Variants in ATP13A3 observed in about 807,000 individuals in gnomAD.
The protein encoded by ATP13A3 is polyamine-transporting ATPase 13A3.
In ATP13A3, 59 loss-of-function variants were observed where a neutral mutation model predicts 158.1. That is an observed-to-expected ratio of 0.37 (90% confidence interval 0.30 to 0.46). The LOEUF (loss-of-function observed/expected upper bound fraction) is 0.46. ATP13A3 is among the 20% of genes least tolerant of loss of function. ATP13A3 has a pLI of 1.00. For synonymous variants in ATP13A3, 491 were observed against 504.3 expected (o/e 0.97, Z 0.35); for missense variants, 1,166 against 1,525.2 (o/e 0.76, Z 3.92).
chr3:194,438,976 G>GA lies in ATP13A3; in HGVS notation c.1711-5dup, dbSNP rs554326065. 18,100 of 1,267,684 alleles carry GA rather than the reference G, an allele frequency of 0.014. No individual in the cohort carries two copies. Among genetic ancestry groups the GA allele is most frequent in the South Asian group, 0.02 (1,293 of 65,942 alleles). The allele number at this position is 1,267,684 out of a possible 1,614,324, so 78.5% of individuals were successfully genotyped here. ...CTTCAGTTGCTTCTTCCAGAATCTG[G>GA]AAAAAAAAAAGAGACAAAAAAAAAC... On this transcript the variant is annotated splice_region_variant and splice_polypyrimidine_tract_variant and intron_variant, in intron 16 of 33. Transcript: ENST00000645319.
At chr3:194,452,605 TA>T (rs1337913207) in intron 10 of ATP13A3, 1 of 152,250 alleles carries the variant, frequency 6.6e-6, no homozygotes, top group African/African-American at 2.4e-5. Context: ...ATAGTTGCTG[TA>T]TTTGTCATAC....
intron 33 of ATP13A3, among the ~76,000 whole-genome samples, chr3:194,409,685 C>G (rs973360381): frequency 1.8e-5 from 2 of 113,492 alleles, no homozygotes; most frequent in Non-Finnish European, 3.3e-5. Flanking sequence ...TAATCACTGA[C>G]GTAAAGAATT....
chr3:194,493,444 C>G (rs553838054), intron 2 of ATP13A3, among the ~76,000 whole-genome samples: 1 of 151,878 alleles, frequency 6.6e-6, no homozygotes. Flanking sequence ...GTCAGGAGTT[C>G]GAGACCAGCC....
intron 2 of ATP13A3, among the ~76,000 whole-genome samples, chr3:194,474,764 T>C (rs1560114468): frequency 6.6e-6 from 1 of 152,174 alleles, no homozygotes; most frequent in Non-Finnish European, 1.5e-5. Context: ...GAATTCTCAT[T>C]TTACCATAGC....
Position 194,460,274 on chromosome 3 carries a change from A to G in ATP13A3, c.226-303T>C, listed in dbSNP as rs565777914. On this transcript the variant is annotated intron_variant, in intron 4 of 33. Transcript: ENST00000645319. ...GACTAAATATTAAAACCTCTTATAA[A>G]ATGCTTCCAATTAGGGTTTTTAAAA... 2.0e-5 allele frequency among the ~76,000 whole-genome samples: 3 copies of G among 152,282 alleles called. No individual in the cohort carries two copies. In the South Asian group the frequency reaches 6.2e-4, roughly 32 times the overall value.
rs777503274 is a variant in ATP13A3 at position 194,459,539 on chromosome 3, A to T, written c.411T>A (p.Ile137=). The T allele has an allele frequency of 2.5e-6, 4 of 1,601,662 alleles. No individual in the cohort carries two copies. The highest frequency in any genetic ancestry group is 3.4e-6 in the Non-Finnish European group (4 of 1,169,632). ...SKYSQTESQQ[I]RYFTHHSVKY... ...TTACACTATGGTGGGTGAAATAACG[A>T]ATCTGTGGAACACAAATAAACGTTA... The change falls in exon 6 of 34, where the codon ATT becomes ATA. Residue 137 remains isoleucine, a splice_region_variant and synonymous_variant. Coordinates refer to ENST00000645319, the MANE Select transcript of ATP13A3 (RefSeq NM_001367549.1).
At chr3:194,454,187 A>G in intron 9 of ATP13A3, 71 bp downstream of exon 9, 2 of 1,412,578 alleles carry the variant, frequency 1.4e-6, no homozygotes, top group Non-Finnish European at 2.0e-6. Flanking sequence ...GCTGAGTACT[A>G]TTCTACACAC....
chr3:194,446,705 T>C (rs1314352569), intron 14 of ATP13A3, among the ~76,000 whole-genome samples: 2 of 152,204 alleles, frequency 1.3e-5, no homozygotes, highest in Non-Finnish European at 2.9e-5. Flanking sequence ...ACTGGTTTCA[T>C]TTCATTTAAA....
chr3:194,417,985 AAGGG>A (rs1197087336), intron 31 of ATP13A3, among the ~76,000 whole-genome samples: 12,078 of 87,820 alleles, frequency 0.14, 1,483 homozygotes, highest in African/African-American at 0.29. Context: ...GGAAGGAAGG[AAGGG>A]AGGGAGGGAG....
At chr3:194,470,207 A>G (rs1720241590) in intron 2 of ATP13A3, among the ~76,000 whole-genome samples, 1 of 152,190 alleles carries the variant, frequency 6.6e-6, no homozygotes, top group East Asian at 1.9e-4. Context: ...TTTAGGCTTA[A>G]GGAAGACCAT....
chr3:194,410,313 A>AAC (rs1715285981), intron 33 of ATP13A3, among the ~76,000 whole-genome samples: 2 of 142,522 alleles, frequency 1.4e-5, no homozygotes, highest in Non-Finnish European at 3.0e-5. Flanking sequence ...AAAAAAAAAA[A>AAC]AAAAAAAAAA....
At chr3:194,460,120 A>C in intron 4 of ATP13A3, 149 bp from the exon 5 acceptor site, 10 of 646,458 alleles carry the variant, frequency 1.5e-5, no homozygotes, top group South Asian at 2.7e-5. Context: ...AAACCATTTC[A>C]TGAGGATGCT....
intron 31 of ATP13A3, among the ~76,000 whole-genome samples, chr3:194,417,444 C>CACACACAA (rs1489240737): frequency 6.9e-6 from 1 of 145,152 alleles, no homozygotes; most frequent in East Asian, 2.0e-4. Context: ...CACACACACA[C>CACACACAA]AAAAGGAGGA....
intron 10 of ATP13A3, 68 bp from the exon 11 acceptor site, chr3:194,450,344 C>G: frequency 1.4e-6 from 2 of 1,467,968 alleles, no homozygotes; most frequent in Non-Finnish European, 9.4e-7. Context: ...ACAGCAAATG[C>G]TATTCAGAAG....
intron 33 of ATP13A3, among the ~76,000 whole-genome samples, chr3:194,409,042 C>T (rs550492675): frequency 2.4e-4 from 36 of 152,258 alleles, no homozygotes; most frequent in Non-Finnish European, 3.2e-4. Flanking sequence ...CTATAGCAAC[C>T]GGATCTTTCA....
intron 6 of ATP13A3, 33 bp downstream of exon 6, chr3:194,459,437 CA>C: frequency 7.1e-7 from 1 of 1,414,138 alleles, no homozygotes; most frequent in Non-Finnish European, 1.0e-6. Flanking sequence ...TCAGGATATT[CA>C]AAATACAATC....
chr3:194,478,517 G>A (rs1182355854), intron 2 of ATP13A3, among the ~76,000 whole-genome samples: 1 of 152,114 alleles, frequency 6.6e-6, no homozygotes, highest in East Asian at 1.9e-4. Flanking sequence ...AGGTACTATA[G>A]TGAGAGATCC....
chr3:194,404,079 GAAT>G lies in ATP13A3; in HGVS notation c.*1837_*1839del. ...ATGCACAATTGTGGAAATCACTGAA[GAAT>G]AACACGAGCATATTTGAAATTAATA... is the stretch of plus-strand genomic sequence containing the variant. On this transcript the variant is annotated 3_prime_UTR_variant, in exon 34 of 34. Transcript: ENST00000645319. 2.2e-6 allele frequency: 1 copy of G among 449,524 alleles called. No homozygotes were observed. 27.8% of individuals were successfully genotyped at this position (449,524 alleles called of 1,614,324 possible).
intron 11 of ATP13A3, among the ~76,000 whole-genome samples, chr3:194,449,792 A>C (rs1417388029): frequency 2.0e-5 from 3 of 152,170 alleles, no homozygotes; most frequent in African/African-American, 7.2e-5. Flanking sequence ...AAAAATATAA[A>C]ATCTTTCTTT....
Sources: gnomAD v4.1 joint callset for allele counts (sites outside exome capture counted in the v4.1 genomes callset) on GRCh38, gnomAD v4.1.1 for gene constraint, MANE v1.5 for transcripts, NCBI Gene and HGNC (gene_info 2026-07-23, HGNC 2026-07-21) for gene names.